Variants in MARCHF10 observed in about 807,000 individuals in gnomAD.
MARCHF10 encodes membrane associated ring-CH-type finger 10.
In MARCHF10, 64 loss-of-function variants were observed where a neutral mutation model predicts 76.2. The observed-to-expected ratio is 0.84, with a 90% CI of 0.69 to 1.03. MARCHF10 has a LOEUF of 1.03. Among genes scored for constraint, MARCHF10 ranks in the 50% least tolerant of loss-of-function variants. The pLI, the probability that MARCHF10 is intolerant of heterozygous loss-of-function variation, is 0.00. For missense variants in MARCHF10, 875 were observed against 958.0 expected (o/e 0.91, Z 1.14); for synonymous variants, 340 against 357.5 (o/e 0.95, Z 0.55).
chr17:62,770,391 G>A (rs2092420716), intron 3 of MARCHF10, among the ~76,000 whole-genome samples: 1 of 152,150 alleles, frequency 6.6e-6, no homozygotes, highest in Non-Finnish European at 1.5e-5. Context: ...ACCCAGCAAT[G>A]GGATTGTTGG....
rs1276441917 is a variant in MARCHF10 at position 62,706,863 on chromosome 17, C to T, written c.2329-1282G>A. ...CCAGGCCCTGACAAACGGAGTGCTC[C>T]GTGTGGGGGCTGAAAGGGAAGGAGG... On this transcript the variant is annotated intron_variant, in intron 9 of 10. Transcript: ENST00000311269. Among the ~76,000 whole-genome samples the T allele has an allele frequency of 2.0e-5, 3 of 152,270 alleles. No individual in the cohort carries two copies. In the East Asian group the frequency reaches 5.8e-4, roughly 29 times the overall value.
At chr17:62,737,397 A>G (rs2091321673) in intron 5 of MARCHF10, 65 bp from the exon 6 acceptor site, 1 of 1,490,018 alleles carries the variant, frequency 6.7e-7, no homozygotes, top group African/African-American at 1.4e-5. Flanking sequence ...GGCCTCTAGC[A>G]CCAAGTGCAA....
intron 4 of MARCHF10, among the ~76,000 whole-genome samples, chr17:62,745,305 T>C (rs1268192700): frequency 6.6e-6 from 1 of 152,024 alleles, no homozygotes; most frequent in African/African-American, 2.4e-5. Flanking sequence ...GGTTTCACCA[T>C]GTTGGCCATG....
intron 1 of MARCHF10, among the ~76,000 whole-genome samples, chr17:62,806,844 GACC>G (rs1410000845): frequency 6.6e-6 from 1 of 152,120 alleles, no homozygotes; most frequent in East Asian, 1.9e-4. Context: ...TCTGTTTTAT[GACC>G]ACATTTGTCA....
chr17:62,711,464 GGC>G lies in MARCHF10; in HGVS notation c.2215-122_2215-121del. 1 of 871,488 alleles carries G rather than the reference GGC, an allele frequency of 1.1e-6. No homozygotes were observed. Among genetic ancestry groups the G allele is most frequent in the South Asian group, 1.6e-5 (1 of 62,250 alleles). The allele number at this position is 871,488 out of a possible 1,614,324, so 54.0% of individuals were successfully genotyped here. On this transcript the variant is annotated intron_variant, in intron 8 of 10. Coordinates refer to ENST00000311269, the MANE Select transcript of MARCHF10 (RefSeq NM_152598.4). The surrounding 1 kb of genome is among the most constrained non-coding windows in gnomAD (Gnocchi z 4.4). ...ACTGGGAGAAGAGCCCAAGCTCCAAGGCAAGGCCTGCTCTTGGGGACCAGAAG... is the reference window on the plus strand; with the variant it reads ...ACTGGGAGAAGAGCCCAAGCTCCAAGAAGGCCTGCTCTTGGGGACCAGAAG...
chr17:62,777,499 G>A (rs1057135359), intron 3 of MARCHF10, among the ~76,000 whole-genome samples: 6 of 151,998 alleles, frequency 3.9e-5, no homozygotes, highest in African/African-American at 1.4e-4. Context: ...AAGGTGGGTG[G>A]ATCACCTGAG....
intron 2 of MARCHF10, among the ~76,000 whole-genome samples, chr17:62,796,177 T>G (rs2092982481): frequency 1.3e-5 from 2 of 152,058 alleles, no homozygotes; most frequent in African/African-American, 4.8e-5. Context: ...CTAGTTTTTG[T>G]ATTTTTAGTA....
At position 62,701,487 on chromosome 17, in the gene MARCHF10, T is replaced by C; in HGVS notation, c.*216A>G. ...TGCCAGGGGCTCCACAGTCCCACGC[T>C]GCTTGACCTGTGCTGTCTGGGACTA... is the stretch of plus-strand genomic sequence containing the variant. On this transcript the variant is annotated 3_prime_UTR_variant, in exon 11 of 11. Transcript: ENST00000311269. 9.0e-7 allele frequency: 1 copy of C among 1,113,816 alleles called. No individual in the cohort carries two copies. Among genetic ancestry groups the C allele is most frequent in the Non-Finnish European group, 1.2e-6 (1 of 807,966 alleles). 69.0% of individuals were successfully genotyped at this position (1,113,816 alleles called of 1,614,324 possible). A position where few individuals can be genotyped will look rare whatever the true frequency, so the allele number is the denominator to read the frequency against.
intron 3 of MARCHF10, among the ~76,000 whole-genome samples, chr17:62,771,400 G>A (rs1026989813): frequency 6.6e-6 from 1 of 151,814 alleles, no homozygotes; most frequent in Non-Finnish European, 1.5e-5. Context: ...CTATCAGGAG[G>A]TGGCCGGGTA....
At position 62,701,631 on chromosome 17, in the gene MARCHF10, G is replaced by C. The variant is rs1306466221; in HGVS notation, c.*72C>G. The C allele has an allele frequency of 6.2e-7, 1 of 1,611,536 alleles. No individual in the cohort carries two copies. Among genetic ancestry groups the C allele is most frequent in the South Asian group, 1.1e-5 (1 of 91,058 alleles). ...GTTTCAGTAAAGAGGAGGAGGGAGG[G>C]AGGCACTTGGGGACGTAGAAAGAAG... On this transcript the variant is annotated 3_prime_UTR_variant, in exon 11 of 11. Coordinates refer to ENST00000311269, the MANE Select transcript of MARCHF10 (RefSeq NM_152598.4).
At chr17:62,704,091 C>A (rs185919395) in intron 10 of MARCHF10, among the ~76,000 whole-genome samples, 1,992 of 151,858 alleles carry the variant, frequency 0.013, 41 homozygotes, top group African/African-American at 0.044. Context: ...CCTGTCCTCC[C>A]GGCCGCGGCT....
intron 3 of MARCHF10, among the ~76,000 whole-genome samples, chr17:62,768,821 C>T (rs2046931304): frequency 6.6e-6 from 1 of 152,130 alleles, no homozygotes; most frequent in Admixed American, 6.5e-5. Flanking sequence ...ATTATTTTAC[C>T]TAAGAAAATT....
intron 10 of MARCHF10, among the ~76,000 whole-genome samples, chr17:62,703,983 C>T (rs1180214375): frequency 6.6e-6 from 1 of 152,142 alleles, no homozygotes; most frequent in Non-Finnish European, 1.5e-5. Flanking sequence ...CGCGGGCGCG[C>T]CCGGTCGCCG....
At chr17:62,775,421 A>G (rs750208148) in intron 3 of MARCHF10, among the ~76,000 whole-genome samples, 27 of 151,712 alleles carry the variant, frequency 1.8e-4, no homozygotes, top group Non-Finnish European at 2.5e-4. Flanking sequence ...CCCGGCCCCC[A>G]TAGTCTTTTT....
At chr17:62,705,897 AT>A (rs1468505635) in intron 9 of MARCHF10, among the ~76,000 whole-genome samples, 1 of 152,158 alleles carries the variant, frequency 6.6e-6, no homozygotes, top group Non-Finnish European at 1.5e-5. Flanking sequence ...TCCGAATCAC[AT>A]TTACAGGCTG....
intron 10 of MARCHF10, among the ~76,000 whole-genome samples, chr17:62,702,890 A>T (rs2089332675): frequency 6.6e-6 from 1 of 152,066 alleles, no homozygotes; most frequent in African/African-American, 2.4e-5. Context: ...GTGTTTGGGG[A>T]GGTGCTCTGG....
At chr17:62,805,877 A>G (rs2093155123) in intron 1 of MARCHF10, among the ~76,000 whole-genome samples, 1 of 151,116 alleles carries the variant, frequency 6.6e-6, no homozygotes, top group Non-Finnish European at 1.5e-5. Context: ...GCACCACTGC[A>G]CTCCAGAGAG....
intron 4 of MARCHF10, among the ~76,000 whole-genome samples, chr17:62,753,505 G>A (rs1011353262): frequency 6.6e-6 from 1 of 152,200 alleles, no homozygotes; most frequent in African/African-American, 2.4e-5. Context: ...GGGGCCTGAG[G>A]TTCTGCATTT....
At position 62,744,490 on chromosome 17, in the gene MARCHF10, G is replaced by C. The variant is rs148610654; in HGVS notation, c.421C>G (p.Pro141Ala). 14 of 1,614,022 alleles carry C rather than the reference G, an allele frequency of 8.7e-6. No homozygotes were observed. The highest frequency in any genetic ancestry group is 2.2e-5 in the South Asian group (2 of 91,074). The change falls in exon 5 of 11, where the codon CCA becomes GCA. Residue 141 changes from proline (P) to alanine (A), a missense_variant. Transcript: ENST00000311269. ...APMVLLRKRK[P>A]NLRRFTVSPE... is the part of the protein sequence containing the mutation. Reference sequence around the variant, plus strand: ...CTGACTGTAAATCTCCTCAGGTTTGGCTTCCTCTTTCTTAATAAAACCATT... The same window carrying C: ...CTGACTGTAAATCTCCTCAGGTTTGCCTTCCTCTTTCTTAATAAAACCATT...
Sources: allele counts gnomAD v4.1 joint callset (sites outside exome capture counted in the v4.1 genomes callset), GRCh38; gene constraint gnomAD v4.1.1; non-coding constraint Gnocchi (gnomAD v3.1); transcripts MANE v1.5; gene names NCBI Gene and HGNC (gene_info 2026-07-23, HGNC 2026-07-21).